The following SH3PXD2B variants were observed in gnomAD, a reference collection of about 807,000 sequenced individuals.
The protein encoded by SH3PXD2B is SH3 and PX domains 2B.
Under a neutral mutation model 73.1 loss-of-function variants are expected in SH3PXD2B, and 37 were observed. The observed-to-expected ratio is 0.51, with a 90% confidence interval of 0.39 to 0.67. The LOEUF (loss-of-function observed/expected upper bound fraction) is 0.67. Ranked by LOEUF, SH3PXD2B falls within the 30% of genes least tolerant of loss-of-function variation. The pLI, the probability that SH3PXD2B is intolerant of heterozygous loss-of-function variation, is 0.00. For synonymous variants in SH3PXD2B, 457 were observed against 480.5 expected (o/e 0.95, Z 0.64); for missense variants, 1,053 against 1,197.8 (o/e 0.88, Z 1.78).
At chr5:172,427,579 T>C (rs1463754576) in intron 1 of SH3PXD2B, among the ~76,000 whole-genome samples, 2 of 152,116 alleles carry the variant, frequency 1.3e-5, no homozygotes, top group Non-Finnish European at 2.9e-5. Flanking sequence ...ATCGAACTCC[T>C]GGCTCGAGTG....
At chr5:172,368,662 T>TTATATATATATAAAA (rs1757620617) in intron 6 of SH3PXD2B, among the ~76,000 whole-genome samples, 1 of 35,558 alleles carries the variant, frequency 2.8e-5, no homozygotes, top group Non-Finnish European at 4.0e-5. Flanking sequence ...AATATATATA[T>TTATATATATATAAAA]TATATATATA....
At position 172,338,232 on chromosome 5, in the gene SH3PXD2B, G is replaced by A; in HGVS notation, c.*137C>T. ...TGTCCGAAACTCACTCTCCACCCAT[G>A]GGAGGCAAGAAGTCACAGTACCCCA... On this transcript the variant is annotated 3_prime_UTR_variant, in exon 13 of 13. Transcript: ENST00000311601. The surrounding 1 kb of genome is among the most constrained non-coding windows in gnomAD (Gnocchi z 5.1). The A allele has an allele frequency of 2.6e-6, 4 of 1,556,904 alleles. No individual in the cohort carries two copies. The South Asian group carries it at 4.8e-5, about 19-fold the overall frequency.
At chr5:172,387,215 G>A (rs1161349328) in intron 4 of SH3PXD2B, among the ~76,000 whole-genome samples, 8 of 152,178 alleles carry the variant, frequency 5.3e-5, no homozygotes, top group African/African-American at 1.9e-4. Flanking sequence ...ATGTTTGCAT[G>A]TGTGTTCCAT....
chr5:172,382,108 G>C lies in SH3PXD2B; in HGVS notation c.329C>G (p.Pro110Arg), dbSNP rs776745582. Reference protein sequence around the residue: ...EYCKALIQLPPYISQCDEVLQ... With the variant: ...EYCKALIQLPRYISQCDEVLQ... ...CACCTCATCACACTGAGAGATGTAGGGGGGCAGCTGGATGAGGGCCTGGAG... is the reference window on the plus strand; with the variant it reads ...CACCTCATCACACTGAGAGATGTAGCGGGGCAGCTGGATGAGGGCCTGGAG... Residue 110 changes from proline to arginine, a missense_variant, in exon 5 of 13, where the codon CCC becomes CGC. Coordinates refer to ENST00000311601, the MANE Select transcript of SH3PXD2B (RefSeq NM_001017995.3). The C allele has an allele frequency of 2.4e-5, 39 of 1,608,922 alleles. No homozygotes were observed. Among genetic ancestry groups the C allele is most frequent in the Non-Finnish European group, 3.1e-5 (36 of 1,178,010 alleles).
chr5:172,441,207 C>T (rs985484312), intron 1 of SH3PXD2B, among the ~76,000 whole-genome samples: 1 of 152,154 alleles, frequency 6.6e-6, no homozygotes, highest in African/African-American at 2.4e-5. Flanking sequence ...CCCTCCTTCC[C>T]CCTCATTTAG....
At position 172,339,563 on chromosome 5, in the gene SH3PXD2B, G is replaced by A. The variant is rs780292269; in HGVS notation, c.1542C>T (p.Pro514=). The change falls in exon 13 of 13, where the codon CCC becomes CCT. Residue 514 remains proline (P), a synonymous_variant. Coordinates refer to ENST00000311601, the MANE Select transcript of SH3PXD2B (RefSeq NM_001017995.3). This position sits in a 1 kb window ranked among gnomAD's most constrained non-coding sequence, Gnocchi z 6.1. ...ASAGYEEISD[P]DMEEKPSLPP... ...GGAGGCTGGGCTTCTCCTCCATGTCGGGGTCTGAGATCTCCTCGTAGCCTG... is the reference window on the plus strand; with the variant it reads ...GGAGGCTGGGCTTCTCCTCCATGTCAGGGTCTGAGATCTCCTCGTAGCCTG... 1.9e-4 allele frequency: 306 copies of A among 1,614,098 alleles called. No homozygotes were observed. Among genetic ancestry groups the A allele is most frequent in the Non-Finnish European group, 2.3e-4 (270 of 1,180,048 alleles).
Position 172,394,457 on chromosome 5 carries a change from C to T in SH3PXD2B, c.309+106G>A, listed in dbSNP as rs950025401. On this transcript the variant is annotated intron_variant, in intron 4 of 12. Transcript: ENST00000311601. ...TTTTCCCCCTAATTTCTTTACATTC[C>T]TTTGAATTGCACAAATTTTTATTGT... is the stretch of plus-strand genomic sequence containing the variant. 3.4e-6 allele frequency: 4 copies of T among 1,192,246 alleles called. No homozygotes were observed. The African/African-American group carries it at 4.5e-5, about 13-fold the overall frequency. The allele number at this position is 1,192,246 out of a possible 1,614,324, so 73.9% of individuals were successfully genotyped here. A position where few individuals can be genotyped will look rare whatever the true frequency, so the allele number is the denominator to read the frequency against.
At chr5:172,385,147 C>A (rs77015431) in intron 4 of SH3PXD2B, among the ~76,000 whole-genome samples, 2 of 152,136 alleles carry the variant, frequency 1.3e-5, no homozygotes, top group East Asian at 1.9e-4. Flanking sequence ...TCTGCTCCCC[C>A]CTCCCCATGG....
At chr5:172,385,682 A>C (rs1758046815) in intron 4 of SH3PXD2B, among the ~76,000 whole-genome samples, 1 of 152,226 alleles carries the variant, frequency 6.6e-6, no homozygotes, top group Non-Finnish European at 1.5e-5. Context: ...CAGAGGCCCC[A>C]AATGGACCAG....
At chr5:172,443,563 G>A (rs1489463660) in intron 1 of SH3PXD2B, among the ~76,000 whole-genome samples, 1 of 152,210 alleles carries the variant, frequency 6.6e-6, no homozygotes, top group Non-Finnish European at 1.5e-5. Context: ...TGAACAGATG[G>A]TGACCTCTGT....
chr5:172,348,615 A>AATCTATCT (rs147652696), intron 10 of SH3PXD2B, among the ~76,000 whole-genome samples: 1,866 of 140,704 alleles, frequency 0.013, 50 homozygotes, highest in African/African-American at 0.053. Flanking sequence ...TTAGCATCTG[A>AATCTATCT]ATCTATCTAT....
chr5:172,439,704 A>ACGCG (rs1561584047), intron 1 of SH3PXD2B, among the ~76,000 whole-genome samples: 5 of 146,584 alleles, frequency 3.4e-5, no homozygotes, highest in Admixed American at 6.7e-5. Flanking sequence ...ACACACACAC[A>ACGCG]CACACACACA....
At chr5:172,364,835 A>G (rs1757479640) in intron 6 of SH3PXD2B, among the ~76,000 whole-genome samples, 1 of 151,996 alleles carries the variant, frequency 6.6e-6, no homozygotes, top group South Asian at 2.1e-4. Context: ...TATTTACACC[A>G]CAGAAATTGG....
At chr5:172,435,164 C>G (rs1209754903) in intron 1 of SH3PXD2B, among the ~76,000 whole-genome samples, 1 of 152,178 alleles carries the variant, frequency 6.6e-6, no homozygotes, top group Admixed American at 6.5e-5. Context: ...ATTGATTTTT[C>G]TCTTTCTTTT....
chr5:172,361,831 A>G (rs1469624963), intron 7 of SH3PXD2B, among the ~76,000 whole-genome samples: 1 of 152,224 alleles, frequency 6.6e-6, no homozygotes, highest in Admixed American at 6.5e-5. Flanking sequence ...TGCCACCACC[A>G]TCCAGATGAT....
intron 10 of SH3PXD2B, among the ~76,000 whole-genome samples, chr5:172,349,430 A>G (rs1757106494): frequency 6.6e-6 from 1 of 152,182 alleles, no homozygotes; most frequent in African/African-American, 2.4e-5. Flanking sequence ...CAGGCCGACA[A>G]CAGTAATGAA....
chr5:172,414,501 C>T (rs1171269514), intron 2 of SH3PXD2B, among the ~76,000 whole-genome samples: 2 of 149,940 alleles, frequency 1.3e-5, no homozygotes, highest in African/African-American at 4.9e-5. Flanking sequence ...ATGGGTCAGT[C>T]CTAGCTCAAT....
chr5:172,436,088 CTCTT>C (rs1759380031), intron 1 of SH3PXD2B, among the ~76,000 whole-genome samples: 1 of 152,186 alleles, frequency 6.6e-6, no homozygotes, highest in Non-Finnish European at 1.5e-5. Context: ...CAGCTGTGGA[CTCTT>C]TCTGCTTCCA....
At chr5:172,344,213 T>C (rs1472996295) in intron 12 of SH3PXD2B, among the ~76,000 whole-genome samples, 1 of 152,094 alleles carries the variant, frequency 6.6e-6, no homozygotes, top group Non-Finnish European at 1.5e-5. Context: ...TTAATGAATT[T>C]TGAAGGCTAA....
Sources: allele counts gnomAD v4.1 joint callset (sites outside exome capture counted in the v4.1 genomes callset), GRCh38; gene constraint gnomAD v4.1.1; non-coding constraint Gnocchi (gnomAD v3.1); transcripts MANE v1.5; gene names NCBI Gene and HGNC (gene_info 2026-07-23, HGNC 2026-07-21).